The following MGAT4C variants were observed in gnomAD, a reference collection of about 807,000 sequenced individuals.
MGAT4C encodes the protein MGAT4 family member C.
MGAT4C carries 19 observed loss-of-function variants against 40.1 expected under a neutral mutation model. That is an observed-to-expected ratio of 0.47 (90% CI 0.33 to 0.70). The LOEUF is 0.70. Among genes scored for constraint, MGAT4C ranks in the 30% least tolerant of loss-of-function variants. MGAT4C has a pLI of 0.02. For missense variants in MGAT4C, 491 were observed against 563.2 expected, an observed-to-expected ratio of 0.87 and a Z score of 1.30; for synonymous variants, 181 against 187.1, an observed-to-expected ratio of 0.97 and a Z score of 0.27.
At chr12:86,384,611 G>A (rs564367715) in intron 3 of MGAT4C, among the ~76,000 whole-genome samples, 11 of 152,286 alleles carry the variant, frequency 7.2e-5, no homozygotes, top group East Asian at 1.9e-4. Flanking sequence ...TCATTCTTCC[G>A]TTGGGAGAAT....
At chr12:86,268,573 A>G (rs916632933) in intron 4 of MGAT4C, among the ~76,000 whole-genome samples, 5 of 149,258 alleles carry the variant, frequency 3.3e-5, no homozygotes, top group African/African-American at 9.7e-5. Flanking sequence ...CATTAAAAAC[A>G]TTAGTAAAGA....
chr12:86,636,595 T>C (rs1339338955), intron 2 of MGAT4C, among the ~76,000 whole-genome samples: 1 of 152,036 alleles, frequency 6.6e-6, no homozygotes, highest in Non-Finnish European at 1.5e-5. Context: ...TGTCATCAAA[T>C]AATTCAAATA....
chr12:86,709,808 GAT>G (rs1288189072), intron 2 of MGAT4C, among the ~76,000 whole-genome samples: 6 of 152,044 alleles, frequency 3.9e-5, no homozygotes, highest in Non-Finnish European at 1.5e-5. Context: ...ACCCTGAAGA[GAT>G]AGTTTTCTTG....
At chr12:86,533,781 T>A (rs979174117) in intron 2 of MGAT4C, among the ~76,000 whole-genome samples, 16 of 151,936 alleles carry the variant, frequency 1.1e-4, no homozygotes, top group Admixed American at 3.9e-4. Context: ...AAAGTACACC[T>A]GAGAAACTAG....
rs1269929093 is a variant in MGAT4C at position 85,958,724 on chromosome 12, G to T, written c.*20565C>A. 1 of 151,718 alleles carries T rather than the reference G, an allele frequency of 6.6e-6. No homozygotes were observed. Among genetic ancestry groups the T allele is most frequent in the Admixed American group, 6.6e-5 (1 of 15,188 alleles). The allele number at this position is 151,718 out of a possible 1,614,324, so 9.4% of individuals were successfully genotyped here. ...AAGTTTAATTTTTATTATTAAAAGG[G>T]TATGATTATTTTTACTAAAATTAAT... On this transcript the variant is annotated 3_prime_UTR_variant, in exon 5 of 5. Transcript: ENST00000611864.
chr12:86,672,648 A>G (rs1964288207), intron 2 of MGAT4C, among the ~76,000 whole-genome samples: 1 of 152,174 alleles, frequency 6.6e-6, no homozygotes, highest in Non-Finnish European at 1.5e-5. Flanking sequence ...GAGCGACTAT[A>G]TACCAATAAA....
chr12:86,763,662 GATTA>G (rs1012622094), intron 1 of MGAT4C, among the ~76,000 whole-genome samples: 6 of 151,982 alleles, frequency 3.9e-5, no homozygotes, highest in African/African-American at 1.5e-4. Context: ...GTAATCTTTG[GATTA>G]ATTTTTTATT....
chr12:86,637,209 C>G (rs934592985), intron 2 of MGAT4C, among the ~76,000 whole-genome samples: 3 of 151,940 alleles, frequency 2.0e-5, no homozygotes, highest in Admixed American at 6.6e-5. Flanking sequence ...CTGGAGCATT[C>G]CTACTGATTA....
At chr12:86,573,640 T>C in intron 2 of MGAT4C, among the ~76,000 whole-genome samples, 1 of 152,066 alleles carries the variant, frequency 6.6e-6, no homozygotes, top group East Asian at 1.9e-4. Flanking sequence ...CTTTCTTTAC[T>C]ATTCTGTAAA....
At chr12:86,345,996 G>C (rs984386637) in intron 3 of MGAT4C, among the ~76,000 whole-genome samples, 2 of 152,116 alleles carry the variant, frequency 1.3e-5, no homozygotes, top group African/African-American at 4.8e-5. Context: ...GCATTTCTCT[G>C]ATGGCCAGTG....
intron 2 of MGAT4C, among the ~76,000 whole-genome samples, chr12:85,998,729 T>A (rs2136762119): frequency 6.6e-6 from 1 of 152,300 alleles, no homozygotes; most frequent in Middle Eastern, 3.4e-3. Flanking sequence ...AATGTGGATT[T>A]CATCATCCAC....
At chr12:86,106,835 T>G (rs989569340) in intron 1 of MGAT4C, among the ~76,000 whole-genome samples, 1 of 152,196 alleles carries the variant, frequency 6.6e-6, no homozygotes, top group African/African-American at 2.4e-5. Context: ...GGACCATGCT[T>G]GATGTTGTAT....
At chr12:86,113,002 G>A (rs1877725228) in intron 1 of MGAT4C, among the ~76,000 whole-genome samples, 1 of 151,260 alleles carries the variant, frequency 6.6e-6, no homozygotes, top group Non-Finnish European at 1.5e-5. Context: ...AACTGAAGCT[G>A]GAAACAAAAA....
At chr12:86,252,714 A>G (rs879663181) in intron 1 of MGAT4C, among the ~76,000 whole-genome samples, 7 of 151,566 alleles carry the variant, frequency 4.6e-5, no homozygotes, top group Non-Finnish European at 7.4e-5. Flanking sequence ...AAATAAAAAA[A>G]TTCTTCATTT....
At chr12:86,687,117 T>C (rs1950086753) in intron 2 of MGAT4C, among the ~76,000 whole-genome samples, 1 of 152,266 alleles carries the variant, frequency 6.6e-6, no homozygotes, top group South Asian at 2.1e-4. Flanking sequence ...CTAGATTTTA[T>C]AGTTTATTTG....
At chr12:86,533,929 G>A (rs1303417859) in intron 2 of MGAT4C, among the ~76,000 whole-genome samples, 1 of 151,744 alleles carries the variant, frequency 6.6e-6, no homozygotes, top group Non-Finnish European at 1.5e-5. Context: ...CAGACTCTTT[G>A]TAGCAATAAG....
chr12:86,211,085 G>T (rs1318434999), intron 1 of MGAT4C, among the ~76,000 whole-genome samples: 1 of 151,650 alleles, frequency 6.6e-6, no homozygotes, highest in Non-Finnish European at 1.5e-5. Flanking sequence ...ATACCTGTTT[G>T]CTTCCATTTG....
At chr12:86,356,905 G>A (rs1452029595) in intron 3 of MGAT4C, among the ~76,000 whole-genome samples, 1 of 152,214 alleles carries the variant, frequency 6.6e-6, no homozygotes, top group African/African-American at 2.4e-5. Context: ...GCAGGGCATG[G>A]CTGAACAAAA....
intron 1 of MGAT4C, among the ~76,000 whole-genome samples, chr12:86,056,804 A>G (rs11117173): frequency 0.8 from 122,134 of 151,992 alleles, 49,754 homozygotes; most frequent in East Asian, 0.97. Context: ...TTGAGGAATC[A>G]CCACACTGTC....
Sources: allele counts gnomAD v4.1 joint callset (sites outside exome capture counted in the v4.1 genomes callset), GRCh38; gene constraint gnomAD v4.1.1; transcripts MANE v1.5; gene names NCBI Gene and HGNC (gene_info 2026-07-23, HGNC 2026-07-21).